ARMC9: variants seen among roughly 807,000 people sequenced by gnomAD.
ARMC9 encodes armadillo repeat containing 9, also known as lisH domain-containing protein ARMC9.
ARMC9 carries 94 observed loss-of-function variants against 107.0 expected under a neutral mutation model. The observed-to-expected ratio is 0.88, with a 90% CI of 0.74 to 1.04. ARMC9 has a LOEUF of 1.04. Among genes scored for constraint, ARMC9 ranks in the 50% least tolerant of loss-of-function variants. The pLI, the probability that ARMC9 is intolerant of heterozygous loss-of-function variation, is 0.00. For synonymous variants in ARMC9, 380 were observed against 396.9 expected (o/e 0.96, Z 0.51); for missense variants, 942 against 1,030.1 (o/e 0.91, Z 1.17).
intron 19 of ARMC9, among the ~76,000 whole-genome samples, chr2:231,308,529 T>C (rs904020918): frequency 1.3e-5 from 2 of 152,058 alleles, no homozygotes; most frequent in African/African-American, 4.8e-5. Flanking sequence ...CTGGTAACCT[T>C]GGACCCTAGG....
chr2:231,296,514 G>A (rs546487699), intron 19 of ARMC9, among the ~76,000 whole-genome samples: 2 of 152,310 alleles, frequency 1.3e-5, no homozygotes, highest in South Asian at 4.1e-4. Flanking sequence ...TGTCATTCGA[G>A]TTTCATGGGA....
intron 19 of ARMC9, among the ~76,000 whole-genome samples, chr2:231,325,079 C>T (rs1260333670): frequency 6.6e-6 from 1 of 151,918 alleles, no homozygotes; most frequent in Admixed American, 6.6e-5. Flanking sequence ...CAAAAATTAG[C>T]CAGGCGTACT....
At chr2:231,240,256 T>C (rs2036173374) in intron 9 of ARMC9, 1 of 563,906 alleles carries the variant, frequency 1.8e-6, no homozygotes, top group African/African-American at 1.9e-5. Flanking sequence ...GAGAGGCGTG[T>C]TCTGCCTACC....
intron 22 of ARMC9, among the ~76,000 whole-genome samples, chr2:231,359,534 G>A (rs1317799341): frequency 1.3e-5 from 2 of 151,968 alleles, no homozygotes; most frequent in African/African-American, 2.4e-5. Flanking sequence ...TGACCACCCC[G>A]TCCCCTACGC....
Position 231,226,678 on chromosome 2 carries a change from A to G in ARMC9, c.598-96A>G, listed in dbSNP as rs1011616085. 4.3e-6 allele frequency: 6 copies of G among 1,410,358 alleles called. No homozygotes were observed. The Admixed American group carries it at 6.8e-5, about 16-fold the overall frequency. The allele number at this position is 1,410,358 out of a possible 1,614,324, so 87.4% of individuals were successfully genotyped here. On this transcript the variant is annotated intron_variant, in intron 6 of 24. Transcript: ENST00000611582. ...CCGGCTCCGAGAATTCTGTTTCATC[A>G]TGCTGAGGTGCTTTCTCACATTGGC...
intron 11 of ARMC9, among the ~76,000 whole-genome samples, chr2:231,262,069 G>A (rs1310350107): frequency 5.3e-5 from 8 of 152,114 alleles, no homozygotes; most frequent in African/African-American, 1.7e-4. Context: ...TGATCCACCT[G>A]CCTCGGCCTC....
In ARMC9 at chr2:231,347,315, C is replaced by T. The variant is rs183691250; in HGVS notation, c.1994+2225C>T. Among the ~76,000 whole-genome samples, 15 of 152,316 alleles carry T rather than the reference C, an allele frequency of 9.8e-5. No individual in the cohort carries two copies. In the East Asian group the frequency reaches 2.5e-3, roughly 25 times the overall value. ...GTCTCAACAAACATTTTTATCACTTCTCTGCCATATGGTGTTCTCATTGCT... is the reference window on the plus strand; with the variant it reads ...GTCTCAACAAACATTTTTATCACTTTTCTGCCATATGGTGTTCTCATTGCT... On this transcript the variant is annotated intron_variant, in intron 21 of 24. Transcript: ENST00000611582.
At chr2:231,327,013 G>A (rs898752716) in intron 19 of ARMC9, among the ~76,000 whole-genome samples, 1 of 152,136 alleles carries the variant, frequency 6.6e-6, no homozygotes, top group Non-Finnish European at 1.5e-5. Context: ...GCACTTGGCT[G>A]CCACCTTCCT....
At chr2:231,238,356 T>G (rs751925532) in intron 8 of ARMC9, among the ~76,000 whole-genome samples, 1 of 150,596 alleles carries the variant, frequency 6.6e-6, no homozygotes, top group Non-Finnish European at 1.5e-5. Flanking sequence ...TATGTTTTTT[T>G]GTTCGTTTGT....
At chr2:231,346,690 C>G (rs998423285) in intron 21 of ARMC9, among the ~76,000 whole-genome samples, 4 of 152,266 alleles carry the variant, frequency 2.6e-5, no homozygotes, top group Admixed American at 2.6e-4. Context: ...CATAACCCCA[C>G]TATCACAGCT....
chr2:231,247,708 A>G (rs916783561), intron 9 of ARMC9, among the ~76,000 whole-genome samples: 7 of 152,312 alleles, frequency 4.6e-5, no homozygotes, highest in African/African-American at 1.7e-4. Flanking sequence ...AGGCAGGCAG[A>G]TTACTTGAGG....
chr2:231,363,883 CAAAAAAAA>C (rs1176736980), intron 23 of ARMC9, among the ~76,000 whole-genome samples: 1 of 16,268 alleles, frequency 6.1e-5, no homozygotes, highest in Non-Finnish European at 1.3e-4. Flanking sequence ...GACTCCGTCT[CAAAAAAAA>C]AAAAAAAAAA....
At chr2:231,307,344 G>T (rs1351740259) in intron 19 of ARMC9, among the ~76,000 whole-genome samples, 1 of 152,212 alleles carries the variant, frequency 6.6e-6, no homozygotes, top group Non-Finnish European at 1.5e-5. Flanking sequence ...TAGCCCTGGG[G>T]TGATTAGGGC....
intron 24 of ARMC9, chr2:231,370,554 C>G (rs2045975681): frequency 6.1e-6 from 1 of 164,822 alleles, no homozygotes; most frequent in African/African-American, 2.4e-5. Context: ...CCTGCCTGGC[C>G]CAGCCTCGGT....
chr2:231,289,289 A>G (rs1390722106), intron 17 of ARMC9, among the ~76,000 whole-genome samples: 1 of 152,182 alleles, frequency 6.6e-6, no homozygotes, highest in African/African-American at 2.4e-5. Flanking sequence ...TGACATGGTG[A>G]AACCCCATCT....
Position 231,235,362 on chromosome 2 carries a change from C to T in ARMC9, c.761C>T (p.Ala254Val). 6.2e-7 allele frequency: 1 copy of T among 1,614,040 alleles called. No homozygotes were observed. Among genetic ancestry groups the T allele is most frequent in the African/African-American group, 1.3e-5 (1 of 75,052 alleles). ...GCAGAGCTGGTGGATTCTCTAGAGG[C>T]CACAGTCAGCGGCAAGATGGTAAGG... Reference protein sequence around the residue: ...VTAELVDSLEATVSGKMITPE... With the variant: ...VTAELVDSLEVTVSGKMITPE... The change falls in exon 8 of 25, where the codon GCC becomes GTC. Residue 254 changes from alanine (A) to valine (V), a missense_variant. Coordinates refer to ENST00000611582, the MANE Select transcript of ARMC9 (RefSeq NM_001352754.2).
intron 1 of ARMC9, among the ~76,000 whole-genome samples, chr2:231,202,745 A>G (rs1463938231): frequency 6.6e-6 from 1 of 152,180 alleles, no homozygotes; most frequent in East Asian, 1.9e-4. Flanking sequence ...GAATTAAAGA[A>G]AGAGGAGAGA....
intron 19 of ARMC9, among the ~76,000 whole-genome samples, 154 bp downstream of exon 19, chr2:231,296,407 G>T (rs1356214484): frequency 6.6e-6 from 1 of 152,214 alleles, no homozygotes; most frequent in African/African-American, 2.4e-5. Context: ...GCTGGGTGGT[G>T]GTTCGGGTCT....
At chr2:231,258,162 A>G (rs2038007734) in intron 10 of ARMC9, among the ~76,000 whole-genome samples, 1 of 151,956 alleles carries the variant, frequency 6.6e-6, no homozygotes, top group South Asian at 2.1e-4. Flanking sequence ...GGGCTAAGCC[A>G]CCCACCTAAT....
Sources: gnomAD v4.1 joint callset for allele counts (sites outside exome capture counted in the v4.1 genomes callset) on GRCh38, gnomAD v4.1.1 for gene constraint, MANE v1.5 for transcripts, NCBI Gene and HGNC (gene_info 2026-07-23, HGNC 2026-07-21) for gene names.